Variants in BBX observed in about 807,000 individuals in gnomAD.
BBX encodes HMG box transcription factor BBX.
Under a neutral mutation model 100.2 loss-of-function variants are expected in BBX, and 30 were observed. The observed-to-expected ratio is 0.30, with a 90% CI of 0.22 to 0.41. BBX has a LOEUF of 0.41. Among genes scored for constraint, BBX ranks in the 10% least tolerant of loss-of-function variants. BBX has a pLI of 1.00. For missense variants in BBX, 1,023 were observed against 1,129.8 expected (o/e 0.91, Z 1.35); for synonymous variants, 376 against 388.1 (o/e 0.97, Z 0.37).
chr3:107,646,328 T>G (rs1435671660), intron 3 of BBX, among the ~76,000 whole-genome samples: 7 of 152,284 alleles, frequency 4.6e-5, no homozygotes, highest in Admixed American at 1.3e-4. Flanking sequence ...GAGTTTTTCT[T>G]ACCTGTTAAA....
intron 2 of BBX, among the ~76,000 whole-genome samples, chr3:107,602,081 G>A (rs1351014371): frequency 6.6e-6 from 1 of 152,182 alleles, no homozygotes; most frequent in African/African-American, 2.4e-5. Context: ...GTTTACAGCA[G>A]GGTTTATTGA....
Position 107,694,003 on chromosome 3 carries a change from G to T in BBX, c.-9-16449G>T, listed in dbSNP as rs1440323397. On this transcript the variant is annotated intron_variant, in intron 3 of 17. Transcript: ENST00000325805. ...CTCATGATTTGGCTCTCTGTCTGTT[G>T]TTGGTGTATAAGAATGCTTGTGATT... Among the ~76,000 whole-genome samples the T allele has an allele frequency of 1.3e-4, 20 of 148,522 alleles. 1 individual carries two copies. The highest frequency in any genetic ancestry group is 4.8e-4 in the African/African-American group (19 of 39,462).
intron 13 of BBX, among the ~76,000 whole-genome samples, chr3:107,787,463 GA>G (rs2068554965): frequency 6.6e-6 from 1 of 152,160 alleles, no homozygotes; most frequent in Non-Finnish European, 1.5e-5. Flanking sequence ...AGACAGAAAG[GA>G]GATTAGAGGT....
Position 107,805,482 on chromosome 3 carries a change from G to T in BBX, c.*25G>T. ...AAGCGCCCTTTCATTGTAAAACATTGTGCTTTACCTACTACCCTAGCCTTG... is the reference window on the plus strand; with the variant it reads ...AAGCGCCCTTTCATTGTAAAACATTTTGCTTTACCTACTACCCTAGCCTTG... On this transcript the variant is annotated 3_prime_UTR_variant, in exon 18 of 18. Coordinates refer to ENST00000325805, the MANE Select transcript of BBX (RefSeq NM_001142568.3). The T allele has an allele frequency of 6.2e-7, 1 of 1,614,050 alleles. No individual in the cohort carries two copies. The highest frequency in any genetic ancestry group is 8.5e-7 in the Non-Finnish European group (1 of 1,179,954).
chr3:107,534,593 T>G (rs1440408378), intron 2 of BBX, among the ~76,000 whole-genome samples: 1 of 152,192 alleles, frequency 6.6e-6, no homozygotes, highest in Non-Finnish European at 1.5e-5. Context: ...GGAGTTGAGC[T>G]TTCCTTTTTT....
chr3:107,795,155 T>A lies in BBX; in HGVS notation c.2354-3368T>A, dbSNP rs371648100. ...TGCGGGTTGTCGGGAGGAACTAGCTTGCTATCTTTGTACTCAACTTTTGTG... is the reference window on the plus strand; with the variant it reads ...TGCGGGTTGTCGGGAGGAACTAGCTAGCTATCTTTGTACTCAACTTTTGTG... On this transcript the variant is annotated intron_variant, in intron 15 of 17. Transcript: ENST00000325805. Among the ~76,000 whole-genome samples the A allele has an allele frequency of 3.9e-5, 6 of 152,180 alleles. No homozygotes were observed. In the East Asian group the frequency reaches 5.8e-4, roughly 15 times the overall value.
At chr3:107,549,442 A>G (rs2049493094) in intron 2 of BBX, among the ~76,000 whole-genome samples, 1 of 152,160 alleles carries the variant, frequency 6.6e-6, no homozygotes, top group Non-Finnish European at 1.5e-5. Context: ...TGAGATAGGG[A>G]TCATACTCTC....
intron 2 of BBX, among the ~76,000 whole-genome samples, chr3:107,534,631 C>A (rs537513025): frequency 1.3e-5 from 2 of 151,986 alleles, no homozygotes; most frequent in African/African-American, 4.8e-5. Context: ...GTTTAAAGAT[C>A]GATTTGTAGT....
At chr3:107,733,411 G>A (rs2063440685) in intron 7 of BBX, among the ~76,000 whole-genome samples, 1 of 152,156 alleles carries the variant, frequency 6.6e-6, no homozygotes, top group African/African-American at 2.4e-5. Context: ...ATTTGCAGCT[G>A]TCAGTCTCTC....
intron 10 of BBX, among the ~76,000 whole-genome samples, chr3:107,763,611 A>G (rs969944833): frequency 6.6e-6 from 1 of 152,230 alleles, no homozygotes; most frequent in Non-Finnish European, 1.5e-5. Context: ...ACCCAGGAAC[A>G]TAAAATATAA....
intron 2 of BBX, among the ~76,000 whole-genome samples, chr3:107,567,902 A>G (rs952021081): frequency 3.3e-5 from 5 of 152,018 alleles, no homozygotes; most frequent in African/African-American, 1.2e-4. Flanking sequence ...GTATTTAAAC[A>G]TGTTTTTCTC....
chr3:107,724,151 C>T (rs2062745526), intron 5 of BBX, among the ~76,000 whole-genome samples: 3 of 152,218 alleles, frequency 2.0e-5, no homozygotes, highest in Admixed American at 2.0e-4. Context: ...TTGCATTTCT[C>T]TGATGGCCAG....
intron 10 of BBX, 76 bp downstream of exon 10, chr3:107,755,754 A>T: frequency 1.7e-6 from 2 of 1,210,400 alleles, no homozygotes; most frequent in Non-Finnish European, 2.4e-6. Context: ...TGTTTCCCTA[A>T]ACTGTACCAT....
At chr3:107,588,418 A>G (rs2053029791) in intron 2 of BBX, among the ~76,000 whole-genome samples, 1 of 152,114 alleles carries the variant, frequency 6.6e-6, no homozygotes, top group African/African-American at 2.4e-5. Flanking sequence ...TGGATTGAGT[A>G]ACCATTTCAT....
intron 5 of BBX, among the ~76,000 whole-genome samples, chr3:107,722,655 A>G (rs1315377598): frequency 6.6e-6 from 1 of 151,986 alleles, no homozygotes. Context: ...GAGTGGCTTT[A>G]TTATGAAAGT....
At chr3:107,732,662 G>A (rs2063382660) in intron 6 of BBX, among the ~76,000 whole-genome samples, 1 of 152,100 alleles carries the variant, frequency 6.6e-6, no homozygotes, top group Non-Finnish European at 1.5e-5. Context: ...AAGCAGTAAG[G>A]AAAGAAACAT....
chr3:107,760,629 G>T (rs2065824198), intron 10 of BBX, among the ~76,000 whole-genome samples: 1 of 152,218 alleles, frequency 6.6e-6, no homozygotes, highest in African/African-American at 2.4e-5. Context: ...CTTGAGTGAT[G>T]AGTGACACAC....
intron 13 of BBX, among the ~76,000 whole-genome samples, chr3:107,784,553 C>T (rs2068226503): frequency 6.6e-6 from 1 of 151,820 alleles, no homozygotes. Context: ...TTCTACATAA[C>T]TGTCACATCA....
At chr3:107,791,822 G>A (rs2069083853) in intron 15 of BBX, among the ~76,000 whole-genome samples, 1 of 152,168 alleles carries the variant, frequency 6.6e-6, no homozygotes, top group South Asian at 2.1e-4. Flanking sequence ...CCAACATGGT[G>A]AAACCCCGTC....
Sources: allele counts gnomAD v4.1 joint callset (sites outside exome capture counted in the v4.1 genomes callset), GRCh38; gene constraint gnomAD v4.1.1; transcripts MANE v1.5; gene names NCBI Gene and HGNC (gene_info 2026-07-23, HGNC 2026-07-21).